TACR1: variants seen among roughly 807,000 people sequenced by gnomAD.
TACR1 encodes the protein substance-P receptor.
In TACR1, 25 loss-of-function variants were observed where a neutral mutation model predicts 35.8. The ratio of observed to expected loss-of-function variants is 0.70; its 90% confidence interval spans 0.51 to 0.98. The LOEUF (loss-of-function observed/expected upper bound fraction) is 0.98. Ranked by LOEUF, TACR1 falls within the 50% of genes least tolerant of loss-of-function variation. The pLI is 0.00. For synonymous variants in TACR1, 195 were observed against 206.7 expected (o/e 0.94, Z 0.48); for missense variants, 478 against 522.9 (o/e 0.91, Z 0.84).
intron 2 of TACR1, among the ~76,000 whole-genome samples, chr2:75,113,532 C>CTTTTTTTTTTTTTTTTTTT (rs11437762): frequency 1.1e-5 from 1 of 92,080 alleles, no homozygotes; most frequent in African/African-American, 4.5e-5. Context: ...TTTCTTCTTC[C>CTTTTTTTTTTTTTTTTTTT]TTTTTTTTTT....
chr2:75,178,275 C>T (rs950934162), intron 1 of TACR1, among the ~76,000 whole-genome samples: 2 of 151,940 alleles, frequency 1.3e-5, no homozygotes, highest in Admixed American at 1.3e-4. Flanking sequence ...ACCTCTGCCT[C>T]CTGGGTTCAA....
At chr2:75,121,131 C>T (rs1432529895) in intron 1 of TACR1, among the ~76,000 whole-genome samples, 1 of 152,140 alleles carries the variant, frequency 6.6e-6, no homozygotes, top group Non-Finnish European at 1.5e-5. Flanking sequence ...TAAAGACTGA[C>T]TTTCATTCTT....
intron 1 of TACR1, among the ~76,000 whole-genome samples, chr2:75,153,975 G>A (rs549352611): frequency 6.6e-6 from 1 of 152,144 alleles, no homozygotes; most frequent in Non-Finnish European, 1.5e-5. Context: ...TCTCCATGAG[G>A]CCATTCACTT....
In TACR1 at chr2:75,134,853, A is replaced by C. The variant is rs887681216; in HGVS notation, c.390-14085T>G. Among the ~76,000 whole-genome samples, 3 of 152,166 alleles carry C rather than the reference A, an allele frequency of 2.0e-5. No individual in the cohort carries two copies. In the East Asian group the frequency reaches 5.8e-4, roughly 29 times the overall value. On this transcript the variant is annotated intron_variant, in intron 1 of 4. Coordinates refer to ENST00000305249, the MANE Select transcript of TACR1 (RefSeq NM_001058.4). ...TCTTCTTTCTATTAAGCAGGCAGAG[A>C]TGTTGACTCTCAGATGTTGATGAAG... is the stretch of plus-strand genomic sequence containing the variant.
At chr2:75,091,931 C>T (rs577811869) in intron 2 of TACR1, among the ~76,000 whole-genome samples, 16 of 152,308 alleles carry the variant, frequency 1.1e-4, no homozygotes, top group African/African-American at 3.8e-4. Flanking sequence ...GTTCTGTAAG[C>T]CTCAGTTTAC....
At chr2:75,114,358 A>G (rs960297770) in intron 2 of TACR1, among the ~76,000 whole-genome samples, 3 of 152,186 alleles carry the variant, frequency 2.0e-5, no homozygotes, top group African/African-American at 7.2e-5. Context: ...GCTTGTCTAA[A>G]TCTCATTTTT....
At chr2:75,113,129 T>G (rs1673782951) in intron 2 of TACR1, among the ~76,000 whole-genome samples, 1 of 152,210 alleles carries the variant, frequency 6.6e-6, no homozygotes, top group Admixed American at 6.5e-5. Context: ...TAAATGTAAT[T>G]TTTGAACAGT....
At chr2:75,064,105 G>A (rs888568672) in intron 2 of TACR1, among the ~76,000 whole-genome samples, 5 of 145,558 alleles carry the variant, frequency 3.4e-5, no homozygotes, top group Non-Finnish European at 7.5e-5. Context: ...AAAAAAAAAA[G>A]GTTCTGAAAA....
At chr2:75,198,214 A>G (rs927706962) in intron 1 of TACR1, among the ~76,000 whole-genome samples, 1 of 152,204 alleles carries the variant, frequency 6.6e-6, no homozygotes. Context: ...CTGCAAGGGT[A>G]AAGGGGAGAA....
intron 2 of TACR1, among the ~76,000 whole-genome samples, chr2:75,087,156 C>T (rs938334934): frequency 6.6e-6 from 1 of 152,194 alleles, no homozygotes; most frequent in Admixed American, 6.5e-5. Flanking sequence ...AATGATACTA[C>T]TATGGATATA....
intron 1 of TACR1, among the ~76,000 whole-genome samples, chr2:75,141,621 C>A (rs2103948861): frequency 6.6e-6 from 1 of 152,134 alleles, no homozygotes; most frequent in South Asian, 2.1e-4. Flanking sequence ...ATGCCTTTGT[C>A]CACCCACTAT....
intron 2 of TACR1, among the ~76,000 whole-genome samples, chr2:75,117,567 A>G (rs1483816497): frequency 6.6e-6 from 1 of 152,166 alleles, no homozygotes; most frequent in Non-Finnish European, 1.5e-5. Context: ...TTTTACTTAC[A>G]TCTCTCAATG....
At chr2:75,120,276 T>C (rs556322617) in intron 2 of TACR1, among the ~76,000 whole-genome samples, 25 of 152,200 alleles carry the variant, frequency 1.6e-4, no homozygotes, top group Non-Finnish European at 3.2e-4. Context: ...GAAAGGCAGA[T>C]CCCGGCAGGG....
At chr2:75,137,710 CAG>C (rs954602323) in intron 1 of TACR1, among the ~76,000 whole-genome samples, 2 of 122,002 alleles carry the variant, frequency 1.6e-5, no homozygotes, top group East Asian at 2.8e-4. Context: ...GCCTGGGCGA[CAG>C]AGAGAGTCTC....
At chr2:75,143,677 A>G (rs1275418235) in intron 1 of TACR1, among the ~76,000 whole-genome samples, 1 of 152,252 alleles carries the variant, frequency 6.6e-6, no homozygotes, top group African/African-American at 2.4e-5. Flanking sequence ...TCTCATGACT[A>G]GTGATATTAG....
At chr2:75,132,311 G>A (rs1674193609) in intron 1 of TACR1, among the ~76,000 whole-genome samples, 2 of 152,088 alleles carry the variant, frequency 1.3e-5, no homozygotes, top group Non-Finnish European at 2.9e-5. Flanking sequence ...CTAACCTTCT[G>A]TACCTCTGTG....
At chr2:75,154,239 T>A (rs961253283) in intron 1 of TACR1, 2 of 151,938 alleles carry the variant, frequency 1.3e-5, no homozygotes, top group Admixed American at 1.3e-4. Flanking sequence ...AAAATCCTGT[T>A]TCTGAAAATC....
At chr2:75,136,847 C>T (rs1274599044) in intron 1 of TACR1, among the ~76,000 whole-genome samples, 4 of 152,160 alleles carry the variant, frequency 2.6e-5, no homozygotes, top group Non-Finnish European at 4.4e-5. Context: ...TGTATCAGGC[C>T]ACATTCAGAG....
intron 1 of TACR1, among the ~76,000 whole-genome samples, chr2:75,171,867 T>C (rs1675294676): frequency 6.6e-6 from 1 of 152,182 alleles, no homozygotes; most frequent in African/African-American, 2.4e-5. Context: ...TACAGGCTCA[T>C]AGGCAGAAGG....
Sources: gnomAD v4.1 joint callset for allele counts (sites outside exome capture counted in the v4.1 genomes callset) on GRCh38, gnomAD v4.1.1 for gene constraint, MANE v1.5 for transcripts, NCBI Gene and HGNC (gene_info 2026-07-23, HGNC 2026-07-21) for gene names.